MACF1: variants seen among roughly 807,000 people sequenced by gnomAD.
The protein encoded by MACF1 is microtubule-actin cross-linking factor 1.
In MACF1, 193 loss-of-function variants were observed where a neutral mutation model predicts 854.8. That is an observed-to-expected ratio of 0.23 (90% CI 0.20 to 0.25). The LOEUF is 0.25. Among genes scored for constraint, MACF1 ranks in the 10% least tolerant of loss-of-function variants. The pLI is 1.00. For missense variants in MACF1, 7,722 were observed against 8,929.1 expected (o/e 0.86, Z 5.45); for synonymous variants, 3,185 against 3,226.7 (o/e 0.99, Z 0.44).
intron 2 of MACF1, chr1:39,103,119 T>C: frequency 2.0e-6 from 1 of 510,322 alleles, no homozygotes; most frequent in South Asian, 2.0e-5. Flanking sequence ...AAAGCAGAAG[T>C]TTCTTCTTTG....
intron 2 of MACF1, among the ~76,000 whole-genome samples, chr1:39,096,549 A>T (rs1270814415): frequency 6.6e-6 from 1 of 150,582 alleles, no homozygotes; most frequent in East Asian, 2.0e-4. Context: ...AGACTGCGCC[A>T]CTGCACTCCA....
chr1:39,460,848 G>A lies in MACF1; in HGVS notation c.21523+54G>A. On this transcript the variant is annotated intron_variant, in intron 92 of 100. Coordinates refer to ENST00000564288, the MANE Select transcript of MACF1 (RefSeq NM_001394062.1). The surrounding 1 kb of genome is among the most constrained non-coding windows in gnomAD (Gnocchi z 4.1). ...GTCACACCTGGATTCCTTGCACTTTGTAGAAGCTGTGATATTCTAGCTAAA... is the reference window on the plus strand; with the variant it reads ...GTCACACCTGGATTCCTTGCACTTTATAGAAGCTGTGATATTCTAGCTAAA... The A allele has an allele frequency of 6.3e-7, 1 of 1,588,124 alleles. No homozygotes were observed. The highest frequency in any genetic ancestry group is 8.6e-7 in the Non-Finnish European group (1 of 1,158,072).
At chr1:39,357,977 A>G in intron 45 of MACF1, 84 bp downstream of exon 45, 4 of 1,377,568 alleles carry the variant, frequency 2.9e-6, no homozygotes, top group South Asian at 2.9e-5. Context: ...GCTCAGAATA[A>G]GAACTCCAGG....
intron 12 of MACF1, 27 bp from the exon 13 acceptor site, chr1:39,285,270 C>T: frequency 4.3e-6 from 7 of 1,614,166 alleles, no homozygotes; most frequent in Non-Finnish European, 5.9e-6. Context: ...GAACCTTGCA[C>T]ATGACTATGG....
At chr1:39,223,833 A>G (rs564861598) in intron 1 of MACF1, among the ~76,000 whole-genome samples, 12 of 152,256 alleles carry the variant, frequency 7.9e-5, no homozygotes, top group Admixed American at 1.3e-4. Context: ...TCAACTATTA[A>G]TAATATTGGG....
Position 39,387,344 on chromosome 1 carries a change from G to A in MACF1, c.14502G>A (p.Gln4834=). ...TGGAGCGGCTACAGTCTCAGCTACA[G>A]GAGAATGAAGAGTTTCAGAAAAGTC... The part of the protein sequence containing the change: ...AKLERLQSQL[Q]ENEEFQKSLN... The change falls in exon 58 of 101, where the codon CAG becomes CAA. Residue 4834 remains glutamine, a synonymous_variant. Transcript: ENST00000564288. 6.2e-7 allele frequency: 1 copy of A among 1,614,176 alleles called. No individual in the cohort carries two copies. Among genetic ancestry groups the A allele is most frequent in the Non-Finnish European group, 8.5e-7 (1 of 1,180,046 alleles).
intron 3 of MACF1, among the ~76,000 whole-genome samples, chr1:39,250,632 G>A (rs965468754): frequency 3.9e-5 from 6 of 152,116 alleles, no homozygotes; most frequent in African/African-American, 1.4e-4. Flanking sequence ...GAGTCTTACA[G>A]ATTTGGAGAG....
chr1:39,475,998 C>T (rs1644874241), intron 97 of MACF1, among the ~76,000 whole-genome samples: 1 of 152,128 alleles, frequency 6.6e-6, no homozygotes, highest in Non-Finnish European at 1.5e-5. Flanking sequence ...AACAAGAGAG[C>T]AGTGTGTAGT....
intron 2 of MACF1, among the ~76,000 whole-genome samples, chr1:39,111,784 G>T (rs1642413765): frequency 6.6e-6 from 1 of 152,182 alleles, no homozygotes; most frequent in Admixed American, 6.6e-5. Context: ...AAAACGCTGG[G>T]ATTTCAGGTG....
intron 2 of MACF1, chr1:39,249,759 A>G (rs1645020249): frequency 1.7e-5 from 5 of 295,208 alleles, no homozygotes; most frequent in East Asian, 7.2e-5. Flanking sequence ...CAAACTTTCT[A>G]GGACGTTGTT....
chr1:39,459,249 G>A lies in MACF1; in HGVS notation c.21360G>A (p.Glu7120=), dbSNP rs749912334. The change falls in exon 91 of 101, where the codon GAG becomes GAA. Residue 7120 remains glutamate (E), a splice_region_variant and synonymous_variant. Transcript: ENST00000564288. The stretch of plus-strand genomic sequence containing the variant: ...ATGATGCCTTGGATCGGCTGGAGGA[G>A]GTAATGCCCTGCTGAGTGGCCTTCC... ...KLNDALDRLE[E]LKEFANFDFD... is the part of the protein sequence containing the mutation. 1.6e-5 allele frequency: 26 copies of A among 1,611,024 alleles called. No individual in the cohort carries two copies. Among genetic ancestry groups the A allele is most frequent in the Non-Finnish European group, 2.0e-5 (24 of 1,178,532 alleles).
At chr1:39,342,645 A>G (rs1221692210) in intron 40 of MACF1, among the ~76,000 whole-genome samples, 1 of 151,284 alleles carries the variant, frequency 6.6e-6, no homozygotes, top group Non-Finnish European at 1.5e-5. Flanking sequence ...CAGCCTCCCA[A>G]GTAGCTGGGA....
At chr1:39,093,465 G>A (rs1252275011) in intron 2 of MACF1, among the ~76,000 whole-genome samples, 2 of 148,306 alleles carry the variant, frequency 1.3e-5, no homozygotes, top group Non-Finnish European at 3.0e-5. Context: ...ACATGTGCGC[G>A]CCACCACGCC....
At chr1:39,372,434 A>G (rs776502959) in intron 51 of MACF1, 45 bp from the exon 52 acceptor site, 1 of 1,135,286 alleles carries the variant, frequency 8.8e-7, no homozygotes, top group Non-Finnish European at 1.3e-6. Flanking sequence ...ACTTATGAGG[A>G]AAAAGCCCCA....
intron 58 of MACF1, chr1:39,411,541 G>C (rs1298564104): frequency 6.2e-7 from 1 of 1,613,898 alleles, no homozygotes; most frequent in Non-Finnish European, 8.5e-7. Flanking sequence ...TACAGGTGAG[G>C]ATATTCTCGG....
intron 95 of MACF1, among the ~76,000 whole-genome samples, chr1:39,465,746 A>C (rs1003911729): frequency 2.0e-5 from 3 of 152,196 alleles, no homozygotes; most frequent in African/African-American, 7.2e-5. Context: ...TGTGTCCTCC[A>C]ATGTGGAAGG....
intron 2 of MACF1, among the ~76,000 whole-genome samples, chr1:39,160,640 C>G (rs1197055939): frequency 6.6e-6 from 1 of 152,196 alleles, no homozygotes; most frequent in African/African-American, 2.4e-5. Flanking sequence ...GAGTCTTTTT[C>G]AGGTGGGAGA....
At chr1:39,235,182 C>T (rs916458188) in intron 2 of MACF1, among the ~76,000 whole-genome samples, 7 of 152,312 alleles carry the variant, frequency 4.6e-5, no homozygotes, top group East Asian at 1.9e-4. Flanking sequence ...TGTAGCGAGC[C>T]GAGATCACGC....
rs767098793 is a variant in MACF1, at chr1:39,084,204, G to A, written c.-15G>A. ...TGGGCTCCCAGGCCCTCCTGCAGCA[G>A]CCCCCGCCTGGGCCATGTCTTCCTC... On this transcript the variant is annotated 5_prime_UTR_variant, in exon 2 of 94. Transcript: ENST00000361689. The surrounding 1 kb of genome is among the most constrained non-coding windows in gnomAD (Gnocchi z 5.2). 1.2e-6 allele frequency: 2 copies of A among 1,610,456 alleles called. No homozygotes were observed. The highest frequency in any genetic ancestry group is 1.7e-6 in the Non-Finnish European group (2 of 1,179,310).
Sources: gnomAD v4.1 joint callset for allele counts (sites outside exome capture counted in the v4.1 genomes callset) on GRCh38, gnomAD v4.1.1 for gene constraint, Gnocchi (gnomAD v3.1) non-coding constraint, MANE v1.5 for transcripts, NCBI Gene and HGNC (gene_info 2026-07-23, HGNC 2026-07-21) for gene names.